Variants in PARD3B observed in about 807,000 individuals in gnomAD.
PARD3B encodes the protein partitioning defective 3 homolog B.
In PARD3B, 103 loss-of-function variants were observed where a neutral mutation model predicts 130.2. The ratio of observed to expected loss-of-function variants is 0.79; its 90% confidence interval spans 0.67 to 0.93. PARD3B has a LOEUF of 0.93. PARD3B is among the 40% of genes least tolerant of loss of function. The pLI, the probability that PARD3B is intolerant of heterozygous loss-of-function variation, is 0.00. For missense variants in PARD3B, 1,609 were observed against 1,499.2 expected, an observed-to-expected ratio of 1.07 and a Z score of -1.21; for synonymous variants, 583 against 553.2, an observed-to-expected ratio of 1.05 and a Z score of -0.76.
At chr2:204,924,609 T>C (rs976770664) in intron 2 of PARD3B, among the ~76,000 whole-genome samples, 2 of 152,092 alleles carry the variant, frequency 1.3e-5, no homozygotes, top group African/African-American at 4.8e-5. Context: ...TTGTGAAAAA[T>C]TATTATTCAA....
intron 18 of PARD3B, among the ~76,000 whole-genome samples, chr2:205,384,397 CCTCTGAGT>C (rs576132044): frequency 1.6e-3 from 245 of 152,122 alleles, no homozygotes; most frequent in African/African-American, 5.6e-3. Context: ...AGATAAAAAG[CCTCTGAGT>C]CACTGAGAAT....
intron 1 of PARD3B, among the ~76,000 whole-genome samples, chr2:204,557,329 A>G (rs1038014297): frequency 1.3e-5 from 2 of 152,146 alleles, no homozygotes; most frequent in African/African-American, 4.8e-5. Context: ...GTTACTGCGC[A>G]CATGGCACCA....
intron 2 of PARD3B, among the ~76,000 whole-genome samples, chr2:204,841,861 G>A (rs116726989): frequency 6.6e-6 from 1 of 150,446 alleles, no homozygotes; most frequent in Non-Finnish European, 1.5e-5. Context: ...TTTTGGTGGG[G>A]TTTTTTTTTG....
intron 2 of PARD3B, among the ~76,000 whole-genome samples, chr2:204,923,624 T>G (rs2125757321): frequency 6.6e-6 from 1 of 152,046 alleles, no homozygotes; most frequent in East Asian, 1.9e-4. Context: ...GCTCTGGAGA[T>G]TGGGTGGAAG....
intron 1 of PARD3B, among the ~76,000 whole-genome samples, chr2:204,596,917 ACTCTCTCT>A (rs560128486): frequency 8.8e-5 from 11 of 125,172 alleles, no homozygotes; most frequent in Non-Finnish European, 1.9e-4. Flanking sequence ...AAACTCACTC[ACTCTCTCT>A]CTCTCTCTCT....
intron 1 of PARD3B, among the ~76,000 whole-genome samples, chr2:204,635,306 G>A (rs1185022036): frequency 6.6e-6 from 1 of 152,128 alleles, no homozygotes; most frequent in East Asian, 1.9e-4. Flanking sequence ...GTATTTTGAG[G>A]ACCATGATCT....
chr2:205,571,302 C>A (rs1435953072), intron 22 of PARD3B, among the ~76,000 whole-genome samples: 1 of 152,190 alleles, frequency 6.6e-6, no homozygotes. Flanking sequence ...ACATCCTCTG[C>A]ATGTGAAATT....
intron 2 of PARD3B, among the ~76,000 whole-genome samples, chr2:204,756,284 C>A (rs191710366): frequency 4.4e-4 from 67 of 152,066 alleles, no homozygotes; most frequent in African/African-American, 1.6e-3. Context: ...GTTGGTGTTT[C>A]TTTATGATAT....
intron 3 of PARD3B, among the ~76,000 whole-genome samples, chr2:204,990,066 T>G (rs560511853): frequency 6.6e-6 from 1 of 152,132 alleles, no homozygotes; most frequent in Non-Finnish European, 1.5e-5. Flanking sequence ...TTCCAGTTTT[T>G]ACATGGTCAG....
chr2:204,878,544 A>G (rs1227178021), intron 2 of PARD3B, among the ~76,000 whole-genome samples: 2 of 152,166 alleles, frequency 1.3e-5, no homozygotes, highest in East Asian at 1.9e-4. Context: ...TATTAAAAAA[A>G]GAGTATAGCA....
At chr2:204,576,050 G>A (rs960467983) in intron 1 of PARD3B, among the ~76,000 whole-genome samples, 1 of 152,058 alleles carries the variant, frequency 6.6e-6, no homozygotes, top group Non-Finnish European at 1.5e-5. Context: ...TCCTTCTGGG[G>A]ACCCACTTCC....
intron 20 of PARD3B, among the ~76,000 whole-genome samples, chr2:205,490,652 G>A (rs1392151334): frequency 6.6e-6 from 1 of 152,132 alleles, no homozygotes; most frequent in Non-Finnish European, 1.5e-5. Flanking sequence ...GGGTCAAATG[G>A]TATTTCTAGT....
intron 4 of PARD3B, among the ~76,000 whole-genome samples, chr2:205,054,436 A>ATATATAT (rs1411271901): frequency 1.1e-4 from 3 of 28,438 alleles, no homozygotes; most frequent in African/African-American, 4.5e-4. Context: ...ATATATATAT[A>ATATATAT]TTTTTTTTTT....
chr2:205,042,104 C>G (rs893256364), intron 3 of PARD3B, among the ~76,000 whole-genome samples: 1 of 152,140 alleles, frequency 6.6e-6, no homozygotes, highest in Non-Finnish European at 1.5e-5. Context: ...CAATTTCACC[C>G]TTTAACTAAT....
chr2:204,930,090 T>C (rs1368876545), intron 2 of PARD3B, among the ~76,000 whole-genome samples: 1 of 152,066 alleles, frequency 6.6e-6, no homozygotes. Flanking sequence ...AGAAGTACTT[T>C]TTTGTCTTTT....
chr2:205,156,840 AAAGAT>A (rs1416337755), intron 10 of PARD3B, among the ~76,000 whole-genome samples: 1 of 152,208 alleles, frequency 6.6e-6, no homozygotes, highest in Non-Finnish European at 1.5e-5. Context: ...TTTCAAAAGA[AAAGAT>A]AATGATAATG....
chr2:204,646,393 T>C (rs2035275124), intron 1 of PARD3B, among the ~76,000 whole-genome samples: 1 of 152,124 alleles, frequency 6.6e-6, no homozygotes. Context: ...AATGTACTCA[T>C]ACAGTGTTGT....
chr2:204,595,541 C>T (rs371314009), intron 1 of PARD3B, among the ~76,000 whole-genome samples: 1 of 152,212 alleles, frequency 6.6e-6, no homozygotes, highest in Non-Finnish European at 1.5e-5. Flanking sequence ...CATTGAAAGA[C>T]GAAGTTGAGT....
chr2:205,305,788 C>T (rs1113314), intron 18 of PARD3B, among the ~76,000 whole-genome samples: 91,000 of 151,972 alleles, frequency 0.6, 29,208 homozygotes, highest in South Asian at 0.75. Context: ...TTATGAGAAT[C>T]ATATTTTATT....
Sources: gnomAD v4.1 joint callset for allele counts (sites outside exome capture counted in the v4.1 genomes callset) on GRCh38, gnomAD v4.1.1 for gene constraint, MANE v1.5 for transcripts, NCBI Gene and HGNC (gene_info 2026-07-23, HGNC 2026-07-21) for gene names.